The following PAWR variants were observed in gnomAD, a reference collection of about 807,000 sequenced individuals.
PAWR encodes the protein PRKC apoptosis WT1 regulator protein.
Under a neutral mutation model 32.0 loss-of-function variants are expected in PAWR, and 23 were observed. The ratio of observed to expected loss-of-function variants is 0.72; its 90% CI spans 0.52 to 1.02. PAWR has a LOEUF of 1.02. Among genes scored for constraint, PAWR ranks in the 50% least tolerant of loss-of-function variants. The probability of loss-of-function intolerance (pLI) is 0.00; values close to 1 mark genes in which losing one functional copy is unlikely to be tolerated. For synonymous variants in PAWR, 226 were observed against 187.1 expected (o/e 1.21, Z -1.70); for missense variants, 457 against 437.7 (o/e 1.04, Z -0.39).
intron 2 of PAWR, among the ~76,000 whole-genome samples, chr12:79,629,586 T>C (rs1262590064): frequency 2.0e-5 from 3 of 151,996 alleles, no homozygotes; most frequent in Non-Finnish European, 4.4e-5. Context: ...GTGGGAAATG[T>C]GTAGAGATAT....
intron 2 of PAWR, among the ~76,000 whole-genome samples, chr12:79,673,561 C>G (rs1878016668): frequency 6.6e-6 from 1 of 152,142 alleles, no homozygotes; most frequent in Non-Finnish European, 1.5e-5. Flanking sequence ...TATTGTGCCC[C>G]TCAGTGACTC....
intron 2 of PAWR, among the ~76,000 whole-genome samples, chr12:79,631,676 G>A (rs1875632974): frequency 6.6e-6 from 1 of 152,086 alleles, no homozygotes; most frequent in African/African-American, 2.4e-5. Context: ...GGGATCTGAA[G>A]ACTCAATGTT....
At chr12:79,632,350 TATATA>T (rs1875735188) in intron 2 of PAWR, among the ~76,000 whole-genome samples, 1 of 59,796 alleles carries the variant, frequency 1.7e-5, no homozygotes, top group Non-Finnish European at 2.6e-5. Flanking sequence ...TATATATATA[TATATA>T]TATATATTTT....
At chr12:79,594,066 G>A (rs571838381) in intron 6 of PAWR, among the ~76,000 whole-genome samples, 21 of 151,946 alleles carry the variant, frequency 1.4e-4, no homozygotes, top group Non-Finnish European at 2.6e-4. Flanking sequence ...GTGACAAAGC[G>A]CCTGTCACCC....
chr12:79,596,580 C>T lies in PAWR; in HGVS notation c.762G>A (p.Arg254=), dbSNP rs756313611. ...TDRSGFPRYN[R]DANVSGTLVS... The stretch of plus-strand genomic sequence containing the variant: ...CCAGAGTACCTGAAACATTTGCATC[C>T]CTGTTATATCTAGGGAACCCACTTC... The change falls in exon 5 of 7, where the codon AGG becomes AGA. Residue 254 remains arginine, a synonymous_variant. Transcript: ENST00000328827. 2 of 1,594,348 alleles carry T rather than the reference C, an allele frequency of 1.3e-6. No individual in the cohort carries two copies. Among genetic ancestry groups the T allele is most frequent in the African/African-American group, 1.3e-5 (1 of 74,384 alleles).
chr12:79,616,376 C>T (rs1874734031), intron 3 of PAWR, among the ~76,000 whole-genome samples: 1 of 152,062 alleles, frequency 6.6e-6, no homozygotes, highest in Admixed American at 6.5e-5. Flanking sequence ...TAAATGAGAG[C>T]AACCCTTACT....
chr12:79,599,159 A>G (rs1873870810), intron 4 of PAWR, among the ~76,000 whole-genome samples: 1 of 152,244 alleles, frequency 6.6e-6, no homozygotes, highest in South Asian at 2.1e-4. Flanking sequence ...TTGTCTTGCA[A>G]AAACACCAAG....
intron 2 of PAWR, among the ~76,000 whole-genome samples, chr12:79,660,961 TC>T (rs1877320919): frequency 6.6e-6 from 1 of 151,528 alleles, no homozygotes. Context: ...AAGAAAAAAA[TC>T]TGTCCTTAAG....
chr12:79,654,626 T>A (rs1565692288), intron 2 of PAWR, among the ~76,000 whole-genome samples: 1 of 151,902 alleles, frequency 6.6e-6, no homozygotes, highest in Middle Eastern at 3.2e-3. Flanking sequence ...TAATTATAAG[T>A]AAGAGGTTTA....
chr12:79,677,088 A>G (rs567493534), intron 2 of PAWR, among the ~76,000 whole-genome samples: 1 of 152,338 alleles, frequency 6.6e-6, no homozygotes, highest in East Asian at 1.9e-4. Flanking sequence ...CAGTGCTGGT[A>G]ACAGAACAGC....
chr12:79,655,971 C>T (rs1366889766), intron 2 of PAWR, among the ~76,000 whole-genome samples: 2 of 152,086 alleles, frequency 1.3e-5, no homozygotes, highest in Admixed American at 6.5e-5. Context: ...GAAAGATTTC[C>T]GGAGTGATAT....
chr12:79,628,849 T>C (rs1431251521), intron 2 of PAWR, among the ~76,000 whole-genome samples: 1 of 152,032 alleles, frequency 6.6e-6, no homozygotes, highest in Non-Finnish European at 1.5e-5. Context: ...AAAGGTAAAA[T>C]GTATGGCAAT....
chr12:79,631,311 C>A (rs180675973), intron 2 of PAWR, among the ~76,000 whole-genome samples: 4 of 152,142 alleles, frequency 2.6e-5, no homozygotes, highest in Non-Finnish European at 5.9e-5. Flanking sequence ...TACTGCCAGT[C>A]CAAGCCAGGA....
chr12:79,623,758 G>A (rs1047693270), intron 2 of PAWR, among the ~76,000 whole-genome samples: 3 of 152,094 alleles, frequency 2.0e-5, no homozygotes, highest in African/African-American at 7.2e-5. Context: ...TATTTGGAAA[G>A]TAGTGGTGCA....
At chr12:79,594,204 AATT>A in intron 6 of PAWR, 122 bp downstream of exon 6, 1 of 545,038 alleles carries the variant, frequency 1.8e-6, no homozygotes, top group African/African-American at 2.0e-5. Flanking sequence ...ACCTCTTACT[AATT>A]ATTATTTCAC....
chr12:79,646,100 A>C (rs538727836), intron 2 of PAWR, among the ~76,000 whole-genome samples: 2 of 152,292 alleles, frequency 1.3e-5, no homozygotes, highest in African/African-American at 4.8e-5. Context: ...GAATATTTGC[A>C]TTACATTGAT....
Position 79,664,663 on chromosome 12 carries a change from G to C in PAWR, c.516+25066C>G, listed in dbSNP as rs548531374. On this transcript the variant is annotated intron_variant, in intron 2 of 6. Coordinates refer to ENST00000328827, the MANE Select transcript of PAWR (RefSeq NM_002583.4). The stretch of plus-strand genomic sequence containing the variant: ...GGACAAAGTAGACTCTTTGGCGGGG[G>C]GGGGAGGAGAGAGAGAGAGTGGTCT... Among the ~76,000 whole-genome samples the C allele has an allele frequency of 1.5e-4, 22 of 149,192 alleles. No homozygotes were observed. The South Asian group carries it at 2.8e-3, about 19-fold the overall frequency.
At position 79,592,406 on chromosome 12, in the gene PAWR, T is replaced by C. The variant is rs1873587878; in HGVS notation, c.*201A>G. On this transcript the variant is annotated 3_prime_UTR_variant, in exon 7 of 7. Coordinates refer to ENST00000328827, the MANE Select transcript of PAWR (RefSeq NM_002583.4). The stretch of plus-strand genomic sequence containing the variant: ...TTTAATAACTGAAAGATATTACTTA[T>C]TTGTGAGATAAAAGGATAATGCTTT... 2.1e-6 allele frequency: 1 copy of C among 468,930 alleles called. No homozygotes were observed. The highest frequency in any genetic ancestry group is 3.7e-6 in the Non-Finnish European group (1 of 269,916). 29.0% of individuals were successfully genotyped at this position (468,930 alleles called of 1,614,324 possible).
At chr12:79,666,662 A>T (rs1877619964) in intron 2 of PAWR, among the ~76,000 whole-genome samples, 1 of 152,216 alleles carries the variant, frequency 6.6e-6, no homozygotes, top group African/African-American at 2.4e-5. Context: ...CAAAAATGTT[A>T]AACAGTGGAC....
Sources: gnomAD v4.1 joint callset for allele counts (sites outside exome capture counted in the v4.1 genomes callset) on GRCh38, gnomAD v4.1.1 for gene constraint, MANE v1.5 for transcripts, NCBI Gene and HGNC (gene_info 2026-07-23, HGNC 2026-07-21) for gene names.